The following PTPRN2 variants were observed in gnomAD, a reference collection of about 807,000 sequenced individuals.
PTPRN2 encodes the protein protein tyrosine phosphatase receptor type N2.
PTPRN2 carries 74 observed loss-of-function variants against 118.8 expected under a neutral mutation model. The observed-to-expected ratio is 0.62, with a 90% confidence interval of 0.52 to 0.76. The LOEUF (loss-of-function observed/expected upper bound fraction) is 0.76. Among genes scored for constraint, PTPRN2 ranks in the 30% least tolerant of loss-of-function variants. The pLI is 0.00. For missense variants in PTPRN2, 1,481 were observed against 1,394.4 expected (o/e 1.06, Z -0.99); for synonymous variants, 641 against 608.0 (o/e 1.05, Z -0.80).
At chr7:157,910,085 A>T (rs1797996244) in intron 11 of PTPRN2, among the ~76,000 whole-genome samples, 1 of 152,262 alleles carries the variant, frequency 6.6e-6, no homozygotes. Context: ...CTAAAGAGCC[A>T]ACGATAAAAG....
rs747743841 is a variant in PTPRN2, at chr7:157,587,689, C to T, written c.2496+7549G>A. Among the ~76,000 whole-genome samples the T allele has an allele frequency of 4.6e-5, 7 of 152,238 alleles. No individual in the cohort carries two copies. Among genetic ancestry groups the T allele is most frequent in the Non-Finnish European group, 7.3e-5 (5 of 68,046 alleles). On this transcript the variant is annotated intron_variant, in intron 17 of 22. Coordinates refer to ENST00000389418, the MANE Select transcript of PTPRN2 (RefSeq NM_002847.5). The surrounding 1 kb of genome is among the most constrained non-coding windows in gnomAD (Gnocchi z 5.3). ...TGGGACACCTGCTGACTTCAGCGAG[C>T]GCTTTGTGCTCTCTCTGGGGGCCAG...
At chr7:158,202,579 G>A (rs938593797) in intron 4 of PTPRN2, among the ~76,000 whole-genome samples, 10 of 152,182 alleles carry the variant, frequency 6.6e-5, no homozygotes, top group Admixed American at 2.0e-4. Flanking sequence ...TTACAGGCAT[G>A]AAGCCCATAG....
intron 4 of PTPRN2, among the ~76,000 whole-genome samples, chr7:158,204,198 C>G (rs550913767): frequency 6.8e-6 from 1 of 148,054 alleles, no homozygotes; most frequent in East Asian, 2.0e-4. Context: ...CAGCGTGCGC[C>G]GTGTGGTGAA....
At chr7:158,452,955 C>A (rs74906632) in intron 2 of PTPRN2, among the ~76,000 whole-genome samples, 12,202 of 152,286 alleles carry the variant, frequency 0.08, 556 homozygotes, top group Middle Eastern at 0.1. Flanking sequence ...GGTACAGCTG[C>A]AACACAGGGA....
chr7:157,963,179 T>C (rs4019378), intron 11 of PTPRN2, among the ~76,000 whole-genome samples: 43,715 of 152,210 alleles, frequency 0.29, 6,608 homozygotes, highest in Middle Eastern at 0.35. Context: ...GGCAGTCTCC[T>C]GGCCTCAGGT....
chr7:158,525,753 T>C lies in PTPRN2; in HGVS notation c.113-35968A>G, dbSNP rs921933228. Among the ~76,000 whole-genome samples, 1 of 152,164 alleles carries C rather than the reference T, an allele frequency of 6.6e-6. No individual in the cohort carries two copies. The highest frequency in any genetic ancestry group is 2.4e-5 in the African/African-American group (1 of 41,434). ...GCAGATGCCCCCATCTCCCAGGACA[T>C]CTCTGCTGGTCTCTCTCCACGGCAC... On this transcript the variant is annotated intron_variant, in intron 1 of 22. Transcript: ENST00000389418. The surrounding 1 kb of genome is among the most constrained non-coding windows in gnomAD (Gnocchi z 4.1).
chr7:157,548,999 C>T lies in PTPRN2; in HGVS notation c.2923G>A (p.Ala975Thr), dbSNP rs574417138. 10 of 1,614,174 alleles carry T rather than the reference C, an allele frequency of 6.2e-6. No individual in the cohort carries two copies. Among genetic ancestry groups the T allele is most frequent in the Admixed American group, 1.7e-5 (1 of 60,016 alleles). Residue 975 changes from alanine (A) to threonine (T), a missense_variant, in exon 22 of 23, where the codon GCA (alanine) becomes ACA (threonine). Ala to Thr is a moderately conservative substitution (Grantham distance 58). This residue lies in a region of PTPRN2 where 362 missense variants were observed against 384.1 expected (regional missense o/e 0.94). Transcript: ENST00000389418. ...TCCCTCAAGTGCTCCAGGGTCGCTGCGATATCAATCTCTTTAGCACCTGCA... is the reference window on the plus strand; with the variant it reads ...TCCCTCAAGTGCTCCAGGGTCGCTGTGATATCAATCTCTTTAGCACCTGCA... ...MAKGAKEIDI[A>T]ATLEHLRDQR... is the part of the protein sequence containing the mutation.
chr7:158,340,489 GTGA>G, intron 2 of PTPRN2, among the ~76,000 whole-genome samples: 1 of 102,192 alleles, frequency 9.8e-6, no homozygotes, highest in Non-Finnish European at 2.0e-5. Flanking sequence ...ACCATAATAG[GTGA>G]CACCTGCAGA....
intron 6 of PTPRN2, among the ~76,000 whole-genome samples, chr7:158,154,046 G>A (rs901436028): frequency 1.3e-5 from 2 of 152,190 alleles, no homozygotes; most frequent in Non-Finnish European, 2.9e-5. Flanking sequence ...GGCTGGGCTG[G>A]GAGGCCCTCA....
chr7:157,770,776 T>C (rs895366716), intron 12 of PTPRN2, among the ~76,000 whole-genome samples: 2 of 152,160 alleles, frequency 1.3e-5, no homozygotes, highest in Admixed American at 6.5e-5. Context: ...TTCAGATTCA[T>C]TGCTGGGTGT....
chr7:157,813,991 G>A lies in PTPRN2; in HGVS notation c.1788+84682C>T, dbSNP rs1485986720. ...TTTGGAGGAGTTTGCTCCTTAGAGT[G>A]AGGGGGATTGTTCTGCCCCAATGGC... On this transcript the variant is annotated intron_variant, in intron 12 of 22. Transcript: ENST00000389418. The surrounding 1 kb of genome is among the most constrained non-coding windows in gnomAD (Gnocchi z 4.7). Among the ~76,000 whole-genome samples the A allele has an allele frequency of 6.6e-6, 1 of 152,246 alleles. No individual in the cohort carries two copies. Among genetic ancestry groups the A allele is most frequent in the East Asian group, 1.9e-4 (1 of 5,192 alleles).
chr7:157,781,219 G>A (rs1022909486), intron 12 of PTPRN2, among the ~76,000 whole-genome samples: 8 of 152,190 alleles, frequency 5.3e-5, no homozygotes, highest in Non-Finnish European at 8.8e-5. Flanking sequence ...GTCCACGGCT[G>A]CTTTTGATTT....
chr7:158,465,263 C>T (rs1819310558), intron 2 of PTPRN2, among the ~76,000 whole-genome samples: 1 of 152,200 alleles, frequency 6.6e-6, no homozygotes, highest in African/African-American at 2.4e-5. Flanking sequence ...TGATTACTCC[C>T]CCAGAGACTG....
intron 12 of PTPRN2, among the ~76,000 whole-genome samples, chr7:157,708,796 A>C (rs1467476970): frequency 1.3e-5 from 2 of 152,158 alleles, no homozygotes; most frequent in Non-Finnish European, 2.9e-5. Context: ...GGCTATAATC[A>C]CCCACAGGTC....
intron 2 of PTPRN2, among the ~76,000 whole-genome samples, chr7:158,445,040 A>G (rs1472380603): frequency 2.0e-5 from 3 of 152,250 alleles, no homozygotes; most frequent in East Asian, 1.9e-4. Context: ...CTTCTCCCCA[A>G]AAGGGCCTGA....
intron 11 of PTPRN2, among the ~76,000 whole-genome samples, chr7:157,911,833 T>TA (rs1481297575): frequency 5.1e-5 from 7 of 138,304 alleles, no homozygotes; most frequent in Non-Finnish European, 8.5e-5. Flanking sequence ...CATAATAACA[T>TA]ACACGTTCTG....
At chr7:158,042,825 G>A (rs995542689) in intron 11 of PTPRN2, among the ~76,000 whole-genome samples, 13 of 152,160 alleles carry the variant, frequency 8.5e-5, no homozygotes, top group African/African-American at 3.1e-4. Flanking sequence ...AGAGACTTAC[G>A]GCTGAAACTA....
At chr7:157,789,286 G>T (rs373127173) in intron 12 of PTPRN2, among the ~76,000 whole-genome samples, 6 of 152,130 alleles carry the variant, frequency 3.9e-5, no homozygotes, top group African/African-American at 1.4e-4. Flanking sequence ...GAAGCTCCCC[G>T]CCCGGTGCCG....
chr7:158,139,944 A>G (rs1423864950), intron 6 of PTPRN2, among the ~76,000 whole-genome samples: 1 of 141,644 alleles, frequency 7.1e-6, no homozygotes, highest in Non-Finnish European at 1.6e-5. Context: ...CACGTATGTG[A>G]ACAAAGCTGA....
Sources: allele counts gnomAD v4.1 joint callset (sites outside exome capture counted in the v4.1 genomes callset), GRCh38; gene constraint gnomAD v4.1.1; regional missense constraint gnomAD v4.1.1; non-coding constraint Gnocchi (gnomAD v3.1); transcripts MANE v1.5; gene names NCBI Gene and HGNC (gene_info 2026-07-23, HGNC 2026-07-21).